The following LAMA2 variants were observed in gnomAD, a reference collection of about 807,000 sequenced individuals.
LAMA2 encodes the protein laminin subunit alpha 2.
A neutral mutation model predicts 364.8 loss-of-function variants in LAMA2; 269 were observed. That is an observed-to-expected ratio of 0.74 (90% CI 0.67 to 0.82). The LOEUF is 0.82. LAMA2 is among the 40% of genes least tolerant of loss of function. The pLI, the probability that LAMA2 is intolerant of heterozygous loss-of-function variation, is 0.00. For missense variants in LAMA2, 3,807 were observed against 3,873.2 expected, an observed-to-expected ratio of 0.98 and a Z score of 0.45; for synonymous variants, 1,379 against 1,370.6, an observed-to-expected ratio of 1.01 and a Z score of -0.14.
At chr6:128,907,844 A>G (rs1777600497) in intron 1 of LAMA2, among the ~76,000 whole-genome samples, 1 of 152,176 alleles carries the variant, frequency 6.6e-6, no homozygotes, top group South Asian at 2.1e-4. Flanking sequence ...TTTAGCATGA[A>G]GTGTGGTTGA....
intron 17 of LAMA2, among the ~76,000 whole-genome samples, chr6:129,275,555 CTGTT>C (rs1788251767): frequency 6.6e-6 from 1 of 151,812 alleles, no homozygotes; most frequent in Admixed American, 6.6e-5. Flanking sequence ...TAAATCTTCA[CTGTT>C]TGGCAAGAGT....
rs990016980 is a variant in LAMA2, at chr6:129,507,581, G to A, written c.8796G>A (p.Gly2932=). The part of the protein sequence containing the change: ...LEQPTSSFHV[G]TCFANAQRGT... ...AACCCACCTCCAGCTTCCATGTTGG[G>A]ACATGTTTTGCAAATGCTCAGAGGG... The change falls in exon 62 of 65, where the codon GGG becomes GGA. Residue 2932 remains glycine, a synonymous_variant. Transcript: ENST00000421865. 2.5e-6 allele frequency: 4 copies of A among 1,614,044 alleles called. No homozygotes were observed. The highest frequency in any genetic ancestry group is 2.7e-5 in the African/African-American group (2 of 74,936).
intron 17 of LAMA2, among the ~76,000 whole-genome samples, chr6:129,275,013 T>C (rs1197061065): frequency 6.6e-6 from 1 of 151,998 alleles, no homozygotes; most frequent in Non-Finnish European, 1.5e-5. Context: ...AAGTTCTATC[T>C]ACTAATATCA....
At chr6:129,359,615 A>C (rs1328407433) in intron 32 of LAMA2, among the ~76,000 whole-genome samples, 1 of 143,314 alleles carries the variant, frequency 7.0e-6, no homozygotes, top group African/African-American at 2.9e-5. Flanking sequence ...AATGGCATTC[A>C]TCTAGGAGAG....
At chr6:129,088,787 A>C (rs1583021131) in intron 3 of LAMA2, among the ~76,000 whole-genome samples, 1 of 151,462 alleles carries the variant, frequency 6.6e-6, no homozygotes, top group East Asian at 2.0e-4. Context: ...CTCACTTCCT[A>C]GACGGGATGG....
At chr6:129,089,850 T>C (rs933329028) in intron 3 of LAMA2, among the ~76,000 whole-genome samples, 1 of 152,194 alleles carries the variant, frequency 6.6e-6, no homozygotes, top group African/African-American at 2.4e-5. Context: ...CTCGTGTTAC[T>C]CGTTTTCTTA....
At chr6:129,311,123 G>C (rs1257092865) in intron 22 of LAMA2, among the ~76,000 whole-genome samples, 3 of 151,224 alleles carry the variant, frequency 2.0e-5, no homozygotes, top group Admixed American at 2.0e-4. Flanking sequence ...TAATGATGAA[G>C]ATTCTTTTTT....
intron 3 of LAMA2, among the ~76,000 whole-genome samples, chr6:129,078,945 C>T (rs1773844337): frequency 6.6e-6 from 1 of 152,300 alleles, no homozygotes; most frequent in African/African-American, 2.4e-5. Flanking sequence ...CTTCGAGATT[C>T]TTCCACGTTG....
intron 3 of LAMA2, among the ~76,000 whole-genome samples, chr6:129,071,917 C>G (rs997150508): frequency 1.3e-5 from 2 of 152,106 alleles, no homozygotes; most frequent in Admixed American, 1.3e-4. Context: ...GGCTTGAGCC[C>G]AGAAGTTCAA....
chr6:129,312,027 G>GA (rs1562445728), intron 22 of LAMA2, among the ~76,000 whole-genome samples: 1 of 143,178 alleles, frequency 7.0e-6, no homozygotes, highest in South Asian at 2.1e-4. Context: ...AGATGATCCT[G>GA]AAAAAGAAAA....
At chr6:129,337,282 A>T (rs1290225350) in intron 29 of LAMA2, among the ~76,000 whole-genome samples, 1 of 152,222 alleles carries the variant, frequency 6.6e-6, no homozygotes, top group Non-Finnish European at 1.5e-5. Context: ...GAGGAAGTAC[A>T]TTTAATATAT....
At chr6:128,987,792 A>G (rs575108450) in intron 1 of LAMA2, among the ~76,000 whole-genome samples, 1 of 152,294 alleles carries the variant, frequency 6.6e-6, no homozygotes, top group South Asian at 2.1e-4. Flanking sequence ...TCTGCTCCAC[A>G]GATCTGTGGT....
chr6:129,153,754 G>A (rs888212807), intron 7 of LAMA2, among the ~76,000 whole-genome samples: 7 of 152,028 alleles, frequency 4.6e-5, no homozygotes, highest in African/African-American at 1.7e-4. Context: ...GAAAACCTAT[G>A]TTTTAGTTGT....
In LAMA2 at chr6:129,470,922, C is replaced by T. The variant is rs1325678150; in HGVS notation, c.7301-2292C>T. ...TCAGTTACAGAACCACAGTCCCTGA[C>T]AGAAGTGTGCCCTATCCCCTAAATG... On this transcript the variant is annotated intron_variant, in intron 51 of 64. Coordinates refer to ENST00000421865, the MANE Select transcript of LAMA2 (RefSeq NM_000426.4). Among the ~76,000 whole-genome samples the T allele has an allele frequency of 2.6e-5, 4 of 152,004 alleles. No individual in the cohort carries two copies. The East Asian group carries it at 7.7e-4, about 29-fold the overall frequency.
At position 129,227,332 on chromosome 6, in the gene LAMA2, C is replaced by T. The variant is rs149978872; in HGVS notation, c.1783-22780C>T. Among the ~76,000 whole-genome samples the T allele has an allele frequency of 0.01, 1,535 of 152,268 alleles. 85 individuals are homozygous for T. The East Asian group carries it at 0.19, about 19-fold the overall frequency. ...GTCTGAAGCCTTCTTCTCTCAACTC[C>T]TCAAAGTCATTCTCCATCCAGCTTT... On this transcript the variant is annotated intron_variant, in intron 12 of 64. Coordinates refer to ENST00000421865, the MANE Select transcript of LAMA2 (RefSeq NM_000426.4).
chr6:129,113,625 C>T (rs1359263374), intron 4 of LAMA2, among the ~76,000 whole-genome samples: 2 of 151,982 alleles, frequency 1.3e-5, no homozygotes, highest in Admixed American at 1.3e-4. Flanking sequence ...CAAGTAAAAA[C>T]TCTGTGACCA....
At chr6:129,442,298 C>T in intron 43 of LAMA2, 6 of 1,028,096 alleles carry the variant, frequency 5.8e-6, no homozygotes, top group Non-Finnish European at 7.7e-6. Context: ...AGAGTACAAA[C>T]ACATATAACA....
intron 3 of LAMA2, among the ~76,000 whole-genome samples, chr6:129,081,673 A>AT (rs1352083398): frequency 6.6e-6 from 1 of 152,196 alleles, no homozygotes; most frequent in East Asian, 1.9e-4. Context: ...TTTTTTCTTC[A>AT]TTTTTAGTGT....
intron 1 of LAMA2, among the ~76,000 whole-genome samples, chr6:128,912,344 T>C (rs1005802354): frequency 2.6e-5 from 4 of 152,204 alleles, no homozygotes; most frequent in Non-Finnish European, 4.4e-5. Context: ...TCACTACTTC[T>C]TCCTTTCTCC....
Sources: allele counts gnomAD v4.1 joint callset (sites outside exome capture counted in the v4.1 genomes callset), GRCh38; gene constraint gnomAD v4.1.1; transcripts MANE v1.5; gene names NCBI Gene and HGNC (gene_info 2026-07-23, HGNC 2026-07-21).